The following DLGAP1 variants were observed in gnomAD, a reference collection of about 807,000 sequenced individuals.
DLGAP1 encodes the protein disks large-associated protein 1.
Under a neutral mutation model 90.8 loss-of-function variants are expected in DLGAP1, and 11 were observed. The ratio of observed to expected loss-of-function variants is 0.12; its 90% CI spans 0.08 to 0.20. DLGAP1 has a LOEUF of 0.20. Ranked by LOEUF, DLGAP1 falls within the 10% of genes least tolerant of loss-of-function variation. The probability of loss-of-function intolerance (pLI) is 1.00; values close to 1 mark genes in which losing one functional copy is unlikely to be tolerated. For synonymous variants in DLGAP1, 558 were observed against 540.7 expected (o/e 1.03, Z -0.44); for missense variants, 1,050 against 1,333.8 (o/e 0.79, Z 3.31).
At chr18:4,359,049 T>C (rs1001148212) in intron 1 of DLGAP1, among the ~76,000 whole-genome samples, 2 of 152,382 alleles carry the variant, frequency 1.3e-5, no homozygotes, top group African/African-American at 4.8e-5. Context: ...GATGTTTTTC[T>C]TTTCTGAACA....
At chr18:3,634,344 C>T (rs1290435102) in intron 7 of DLGAP1, among the ~76,000 whole-genome samples, 2 of 151,944 alleles carry the variant, frequency 1.3e-5, no homozygotes, top group Non-Finnish European at 2.9e-5. Flanking sequence ...AAAAAAGTGA[C>T]TTTGTATTTA....
At chr18:3,989,609 G>T in intron 3 of DLGAP1, among the ~76,000 whole-genome samples, 1 of 152,302 alleles carries the variant, frequency 6.6e-6, no homozygotes, top group East Asian at 1.9e-4. Context: ...ATGTTAACTT[G>T]TCAGTCTTGA....
intron 1 of DLGAP1, among the ~76,000 whole-genome samples, chr18:4,305,844 C>A (rs1228697346): frequency 6.6e-6 from 1 of 152,050 alleles, no homozygotes; most frequent in Non-Finnish European, 1.5e-5. Flanking sequence ...AGCAAATCTA[C>A]ACAAGGTGAG....
chr18:4,083,542 T>C (rs1245276685), intron 2 of DLGAP1, among the ~76,000 whole-genome samples: 1 of 152,208 alleles, frequency 6.6e-6, no homozygotes, highest in Non-Finnish European at 1.5e-5. Flanking sequence ...ATTGGAATCA[T>C]AGTGAAGCCA....
intron 6 of DLGAP1, among the ~76,000 whole-genome samples, chr18:3,730,344 T>C (rs2062379356): frequency 1.3e-5 from 2 of 151,072 alleles, no homozygotes; most frequent in African/African-American, 5.0e-5. Context: ...TTTGGCGTAA[T>C]TGGAAAAAAA....
At chr18:3,663,318 T>C (rs1006715190) in intron 7 of DLGAP1, among the ~76,000 whole-genome samples, 2 of 152,044 alleles carry the variant, frequency 1.3e-5, no homozygotes, top group East Asian at 1.9e-4. Flanking sequence ...AGATAAGGTT[T>C]TTGAAGTCTT....
At chr18:3,597,162 C>G (rs2056628411) in intron 7 of DLGAP1, 1 of 504,384 alleles carries the variant, frequency 2.0e-6, no homozygotes, top group Non-Finnish European at 3.9e-6. Context: ...TGTACTCTGT[C>G]TGTTTGCACA....
chr18:3,951,065 A>G (rs979645355), intron 3 of DLGAP1, among the ~76,000 whole-genome samples: 1 of 152,184 alleles, frequency 6.6e-6, no homozygotes, highest in Non-Finnish European at 1.5e-5. Context: ...TAAAAAGTCA[A>G]TGTTTTGGGG....
intron 1 of DLGAP1, among the ~76,000 whole-genome samples, chr18:4,161,300 G>A (rs1156558557): frequency 6.6e-6 from 1 of 151,988 alleles, no homozygotes; most frequent in Non-Finnish European, 1.5e-5. Flanking sequence ...GTGTCCATGT[G>A]TTCTCATTGT....
intron 7 of DLGAP1, among the ~76,000 whole-genome samples, chr18:3,698,618 C>G (rs2061174727): frequency 6.6e-6 from 1 of 151,750 alleles, no homozygotes; most frequent in African/African-American, 2.4e-5. Context: ...GATTATGTGT[C>G]TTGGGGTTGC....
chr18:4,235,211 C>A (rs2078382905), intron 1 of DLGAP1, among the ~76,000 whole-genome samples: 1 of 152,106 alleles, frequency 6.6e-6, no homozygotes, highest in African/African-American at 2.4e-5. Flanking sequence ...CATTTTGTAC[C>A]CTCACGGGCC....
chr18:4,224,942 C>T (rs1489635963), intron 1 of DLGAP1, among the ~76,000 whole-genome samples: 6 of 152,024 alleles, frequency 3.9e-5, no homozygotes, highest in Non-Finnish European at 7.4e-5. Flanking sequence ...AGTGGTGATG[C>T]CCACAGGAAG....
intron 10 of DLGAP1, among the ~76,000 whole-genome samples, chr18:3,510,871 G>A (rs1043677743): frequency 2.6e-5 from 4 of 152,238 alleles, no homozygotes; most frequent in Non-Finnish European, 4.4e-5. Context: ...AGACAGCACT[G>A]TTCTAAGCCA....
At chr18:4,193,969 C>T (rs2077447330) in intron 1 of DLGAP1, among the ~76,000 whole-genome samples, 1 of 152,052 alleles carries the variant, frequency 6.6e-6, no homozygotes, top group Non-Finnish European at 1.5e-5. Flanking sequence ...TTTTTGCTGG[C>T]CCCTATTTTT....
chr18:4,438,354 C>G lies in DLGAP1; in HGVS notation c.-267+16652G>C, dbSNP rs576923142. The stretch of plus-strand genomic sequence containing the variant: ...ATGCCACATTTCAGAATGGTGTGAA[C>G]CCGGGAGGTGGAGCTTGCAGTGAGC... On this transcript the variant is annotated intron_variant, in intron 1 of 12. Transcript: ENST00000315677. 3.4e-5 allele frequency among the ~76,000 whole-genome samples: 5 copies of G among 148,674 alleles called. No homozygotes were observed. The South Asian group carries it at 1.1e-3, about 32-fold the overall frequency.
chr18:4,136,906 T>G (rs2076410644), intron 2 of DLGAP1, among the ~76,000 whole-genome samples: 1 of 118,374 alleles, frequency 8.4e-6, no homozygotes, highest in Admixed American at 7.7e-5. Flanking sequence ...TTTGATGTGG[T>G]TTTTTTATTA....
At chr18:4,344,878 T>C (rs2081273683) in intron 1 of DLGAP1, among the ~76,000 whole-genome samples, 1 of 152,156 alleles carries the variant, frequency 6.6e-6, no homozygotes, top group South Asian at 2.1e-4. Context: ...TGAGATACCT[T>C]TTTCCTACAC....
At chr18:4,414,735 AAG>A (rs1555614976) in intron 1 of DLGAP1, among the ~76,000 whole-genome samples, 2 of 151,604 alleles carry the variant, frequency 1.3e-5, no homozygotes, top group Admixed American at 6.6e-5. Flanking sequence ...AAAAAAAAAA[AAG>A]AATCATGATA....
At chr18:3,847,908 T>C (rs564475927) in intron 4 of DLGAP1, among the ~76,000 whole-genome samples, 10 of 151,514 alleles carry the variant, frequency 6.6e-5, no homozygotes, top group Non-Finnish European at 1.5e-4. Context: ...TCCCAACATT[T>C]TGGGAAGCTG....
Sources: gnomAD v4.1 joint callset for allele counts (sites outside exome capture counted in the v4.1 genomes callset) on GRCh38, gnomAD v4.1.1 for gene constraint, MANE v1.5 for transcripts, NCBI Gene and HGNC (gene_info 2026-07-23, HGNC 2026-07-21) for gene names.